The following UTS2B variants were observed in gnomAD, a reference collection of about 807,000 sequenced individuals.
The protein encoded by UTS2B is urotensin-2B.
A neutral mutation model predicts 19.2 loss-of-function variants in UTS2B; 21 were observed. The observed-to-expected ratio is 1.09, with a 90% CI of 0.78 to 1.58. The LOEUF (loss-of-function observed/expected upper bound fraction) is 1.58. Among genes scored for constraint, UTS2B ranks in the 40% most tolerant of loss-of-function variants. The pLI is 0.00. For synonymous variants in UTS2B, 57 were observed against 50.2 expected (o/e 1.14, Z -0.58); for missense variants, 138 against 130.3 (o/e 1.06, Z -0.29).
intron 5 of UTS2B, among the ~76,000 whole-genome samples, chr3:191,279,117 A>G (rs1716314630): frequency 6.6e-6 from 1 of 152,078 alleles, no homozygotes; most frequent in Admixed American, 6.5e-5. Context: ...GTCAGTTGAT[A>G]AATTCAAACA....
intron 3 of UTS2B, among the ~76,000 whole-genome samples, chr3:191,309,172 G>A (rs190778630): frequency 6.6e-6 from 1 of 151,174 alleles, no homozygotes; most frequent in Non-Finnish European, 1.5e-5. Flanking sequence ...TGTTTTGTTT[G>A]TTTTTTTTTA....
At chr3:191,276,436 G>C (rs369677196) in intron 7 of UTS2B, among the ~76,000 whole-genome samples, 61 of 152,138 alleles carry the variant, frequency 4.0e-4, no homozygotes, top group African/African-American at 1.3e-3. Context: ...ACATTTGGGG[G>C]AAAAAAGATT....
At chr3:191,284,163 A>C (rs1716468146) in intron 4 of UTS2B, among the ~76,000 whole-genome samples, 1 of 150,852 alleles carries the variant, frequency 6.6e-6, no homozygotes, top group Non-Finnish European at 1.5e-5. Flanking sequence ...TATTGCCTTA[A>C]TTTTAAAAAT....
chr3:191,334,826 T>C (rs894357838), upstream of UTS2B, among the ~76,000 whole-genome samples: 10 of 152,176 alleles, frequency 6.6e-5, no homozygotes, highest in African/African-American at 2.2e-4. Flanking sequence ...AGGCTTTTTC[T>C]GAGGATAGTT....
chr3:191,333,909 C>CA (rs1458763011), upstream of UTS2B, among the ~76,000 whole-genome samples: 1 of 151,916 alleles, frequency 6.6e-6, no homozygotes, highest in African/African-American at 2.4e-5. Context: ...AAATAGAATT[C>CA]ATTCAACATA....
rs546077453 is a variant in UTS2B at position 191,329,421 on chromosome 3, G to C, written c.-664-712C>G. On this transcript the variant is annotated intron_variant, in intron 1 of 8. Transcript: ENST00000340524. The stretch of plus-strand genomic sequence containing the variant: ...TTCCGGGCTCCGGATATTTGGTATC[G>C]ATTGGGGCCGGGGACGCGGAGCAGG... 8.9e-5 allele frequency: 39 copies of C among 437,032 alleles called. No homozygotes were observed. The South Asian group carries it at 1.7e-3, about 19-fold the overall frequency. The allele number at this position is 437,032 out of a possible 1,614,324, so 27.1% of individuals were successfully genotyped here.
intron 2 of UTS2B, among the ~76,000 whole-genome samples, chr3:191,325,974 A>G (rs1717734424): frequency 6.6e-6 from 1 of 152,184 alleles, no homozygotes; most frequent in Non-Finnish European, 1.5e-5. Flanking sequence ...CTTCTTGGTG[A>G]AAGTGAATAA....
chr3:191,296,457 C>T (rs6769894), intron 4 of UTS2B, among the ~76,000 whole-genome samples: 58,582 of 151,908 alleles, frequency 0.39, 11,788 homozygotes, highest in East Asian at 0.64. Context: ...TGTTTTTGTA[C>T]AGTGTTTCTC....
intron 5 of UTS2B, among the ~76,000 whole-genome samples, chr3:191,281,081 G>A (rs376555030): frequency 6.6e-6 from 1 of 152,092 alleles, no homozygotes; most frequent in Non-Finnish European, 1.5e-5. Flanking sequence ...ATTGATTGAG[G>A]TAACAAGGTC....
chr3:191,324,940 C>T (rs146089243), intron 2 of UTS2B, among the ~76,000 whole-genome samples: 1 of 152,128 alleles, frequency 6.6e-6, no homozygotes, highest in African/African-American at 2.4e-5. Context: ...ATCCCAGCTA[C>T]TTGGGAGGCT....
chr3:191,308,322 T>C (rs1387092459), intron 3 of UTS2B, among the ~76,000 whole-genome samples: 4 of 152,114 alleles, frequency 2.6e-5, no homozygotes, highest in Admixed American at 2.0e-4. Flanking sequence ...GCACTTTGGA[T>C]CTACTACAGA....
At position 191,299,052 on chromosome 3, in the gene UTS2B, T is replaced by C. The variant is rs114622021; in HGVS notation, c.-125+5440A>G. Among the ~76,000 whole-genome samples the C allele has an allele frequency of 3.8e-3, 576 of 152,288 alleles. 7 individuals carry two copies. The highest frequency in any genetic ancestry group is 0.013 in the African/African-American group (547 of 41,548). ...ATCCAAGATGTAGCCAAGCTGCTTC[T>C]AACAACAACATATGCTCCTATGCAG... is the stretch of plus-strand genomic sequence containing the variant. On this transcript the variant is annotated intron_variant, in intron 4 of 8. Transcript: ENST00000340524.
intron 3 of UTS2B, among the ~76,000 whole-genome samples, chr3:191,308,646 T>C (rs1717209061): frequency 6.6e-6 from 1 of 152,228 alleles, no homozygotes; most frequent in South Asian, 2.1e-4. Context: ...CCTTCTGTGA[T>C]TTCTGACAGC....
At chr3:191,298,141 G>C (rs1484507918) in intron 4 of UTS2B, among the ~76,000 whole-genome samples, 1 of 152,088 alleles carries the variant, frequency 6.6e-6, no homozygotes, top group African/African-American at 2.4e-5. Flanking sequence ...AAAAAGGTAA[G>C]CCAAGATTCT....
chr3:191,292,835 C>A (rs986826818), intron 4 of UTS2B, among the ~76,000 whole-genome samples: 2 of 151,790 alleles, frequency 1.3e-5, no homozygotes, highest in African/African-American at 2.4e-5. Flanking sequence ...CCTTCAGTTT[C>A]TAGTTTGTTG....
the UTS2B span, among the ~76,000 whole-genome samples, chr3:191,343,846 C>T: frequency 1.3e-5 from 2 of 152,192 alleles, no homozygotes; most frequent in African/African-American, 2.4e-5. Context: ...AAGAATTGAA[C>T]TCCTCTAACT....
chr3:191,319,736 C>T (rs1012422736), intron 2 of UTS2B, among the ~76,000 whole-genome samples: 3 of 149,936 alleles, frequency 2.0e-5, no homozygotes, highest in South Asian at 2.1e-4. Context: ...GGTGTGGTGG[C>T]GGGTGCCTGT....
At chr3:191,295,031 AAACAAC>A (rs72344345) in intron 4 of UTS2B, among the ~76,000 whole-genome samples, 58,395 of 151,076 alleles carry the variant, frequency 0.39, 11,898 homozygotes, top group East Asian at 0.64. Flanking sequence ...ACTCCGTCTT[AAACAAC>A]AACAACAACA....
chr3:191,296,278 C>T (rs1266291505), intron 4 of UTS2B, among the ~76,000 whole-genome samples: 1 of 152,108 alleles, frequency 6.6e-6, no homozygotes, highest in Non-Finnish European at 1.5e-5. Context: ...CACACACATA[C>T]ACACACATAC....
Sources: allele counts gnomAD v4.1 joint callset (sites outside exome capture counted in the v4.1 genomes callset), GRCh38; gene constraint gnomAD v4.1.1; transcripts MANE v1.5; gene names NCBI Gene and HGNC (gene_info 2026-07-23, HGNC 2026-07-21).